The following MTMR12 variants were observed in gnomAD, a reference collection of about 807,000 sequenced individuals.
MTMR12 encodes myotubularin-related protein 12.
A neutral mutation model predicts 96.7 loss-of-function variants in MTMR12; 33 were observed. The observed-to-expected ratio is 0.34, with a 90% CI of 0.26 to 0.46. The LOEUF is 0.46. Among genes scored for constraint, MTMR12 ranks in the 20% least tolerant of loss-of-function variants. The pLI, the probability that MTMR12 is intolerant of heterozygous loss-of-function variation, is 1.00. For synonymous variants in MTMR12, 298 were observed against 327.2 expected (o/e 0.91, Z 0.96); for missense variants, 721 against 896.1 (o/e 0.80, Z 2.49).
intron 6 of MTMR12, among the ~76,000 whole-genome samples, chr5:32,266,522 T>C (rs1749599111): frequency 6.6e-6 from 1 of 151,452 alleles, no homozygotes; most frequent in African/African-American, 2.4e-5. Flanking sequence ...ACCCTGTCTC[T>C]ACCAAAAATA....
intron 6 of MTMR12, among the ~76,000 whole-genome samples, chr5:32,266,914 C>A (rs1176567473): frequency 2.0e-5 from 3 of 151,410 alleles, no homozygotes; most frequent in Non-Finnish European, 4.4e-5. Flanking sequence ...CCCGTCTCTA[C>A]TAAAAATACA....
At chr5:32,281,621 G>A (rs539884298) in intron 1 of MTMR12, among the ~76,000 whole-genome samples, 5 of 152,326 alleles carry the variant, frequency 3.3e-5, no homozygotes, top group African/African-American at 1.2e-4. Flanking sequence ...CCACATCTGG[G>A]CCGGGCGTGG....
At chr5:32,285,468 G>A (rs1014162306) in intron 1 of MTMR12, among the ~76,000 whole-genome samples, 6 of 151,772 alleles carry the variant, frequency 4.0e-5, no homozygotes, top group African/African-American at 1.5e-4. Flanking sequence ...CCCCGCCACT[G>A]TTAATTCCTT....
Position 32,268,696 on chromosome 5 carries a change from T to C in MTMR12, c.583+5A>G. On this transcript the variant is annotated splice_donor_5th_base_variant and intron_variant, in intron 6 of 15. Transcript: ENST00000382142. Reference sequence around the variant, plus strand: ...CCCTCAAATTAGAACCCAGAAGATATTTACCTGTATTGTTTTGTGCAGCAG... The same window carrying C: ...CCCTCAAATTAGAACCCAGAAGATACTTACCTGTATTGTTTTGTGCAGCAG... The C allele has an allele frequency of 6.2e-7, 1 of 1,610,402 alleles. No individual in the cohort carries two copies. Among genetic ancestry groups the C allele is most frequent in the Non-Finnish European group, 8.5e-7 (1 of 1,176,666 alleles).
At position 32,247,875 on chromosome 5, in the gene MTMR12, A is replaced by G. The variant is rs1748762887; in HGVS notation, c.1021+127T>C. 2.1e-6 allele frequency: 3 copies of G among 1,401,764 alleles called. No homozygotes were observed. In the South Asian group the frequency reaches 5.2e-5, roughly 24 times the overall value. 86.8% of individuals were successfully genotyped at this position (1,401,764 alleles called of 1,614,324 possible). A position where few individuals can be genotyped will look rare whatever the true frequency, so the allele number is the denominator to read the frequency against. On this transcript the variant is annotated intron_variant, in intron 10 of 15. Coordinates refer to ENST00000382142, the MANE Select transcript of MTMR12 (RefSeq NM_001040446.3). ...TGGCAGCCAGACCCCTGGCTCCATG[A>G]CATCACAGCCCTGGGCTCTGCGTAC...
intron 1 of MTMR12, among the ~76,000 whole-genome samples, chr5:32,297,228 A>G (rs1750964933): frequency 1.3e-5 from 2 of 152,170 alleles, no homozygotes; most frequent in South Asian, 4.1e-4. Context: ...TCATCACCAC[A>G]ATCAATTTTA....
At chr5:32,284,622 C>A (rs146908095) in intron 1 of MTMR12, among the ~76,000 whole-genome samples, 7 of 152,286 alleles carry the variant, frequency 4.6e-5, no homozygotes, top group African/African-American at 1.7e-4. Flanking sequence ...ACAGAAGGGT[C>A]TAGAGTTGCC....
rs1384558633 is a variant in MTMR12, at chr5:32,228,578, A to ATG, written c.*1199_*1200insCA. 6 of 128,194 alleles carry ATG rather than the reference A, an allele frequency of 4.7e-5. No individual in the cohort carries two copies. The highest frequency in any genetic ancestry group is 2.0e-4 in the African/African-American group (6 of 29,710). The allele number at this position is 128,194 out of a possible 1,614,324, so 7.9% of individuals were successfully genotyped here. A position where few individuals can be genotyped will look rare whatever the true frequency, so the allele number is the denominator to read the frequency against. On this transcript the variant is annotated 3_prime_UTR_variant, in exon 16 of 16. Transcript: ENST00000382142. ...TGTGATATATATATATCATATATAT[A>ATG]TCATATATATGTGATATATATATAT...
intron 8 of MTMR12, among the ~76,000 whole-genome samples, chr5:32,252,522 T>C (rs1561759406): frequency 6.6e-6 from 1 of 152,232 alleles, no homozygotes; most frequent in Non-Finnish European, 1.5e-5. Context: ...AGAAAATGTA[T>C]GTACATGCAA....
chr5:32,238,043 C>G (rs925315335), intron 13 of MTMR12, among the ~76,000 whole-genome samples: 1 of 147,120 alleles, frequency 6.8e-6, no homozygotes, highest in East Asian at 2.1e-4. Flanking sequence ...ACTAGGGAGG[C>G]TGAGGCAGGA....
At chr5:32,265,794 A>G (rs1749566381) in intron 6 of MTMR12, among the ~76,000 whole-genome samples, 1 of 152,214 alleles carries the variant, frequency 6.6e-6, no homozygotes, top group Admixed American at 6.5e-5. Context: ...ACTGCACCTT[A>G]TGTGCCACCC....
At chr5:32,290,822 C>A (rs567466007) in intron 1 of MTMR12, among the ~76,000 whole-genome samples, 40 of 152,308 alleles carry the variant, frequency 2.6e-4, no homozygotes, top group Admixed American at 1.6e-3. Context: ...CAAGGCCCTG[C>A]CATCTTCTGC....
rs1023721426 is a variant in MTMR12 at position 32,260,451 on chromosome 5, T to G, written c.713+2662A>C. 5.3e-5 allele frequency among the ~76,000 whole-genome samples: 8 copies of G among 151,798 alleles called. 1 individual carries two copies. The highest frequency in any genetic ancestry group is 1.2e-4 in the Non-Finnish European group (8 of 67,998). Reference sequence around the variant, plus strand: ...TATATTTCTGACATGCTAACACCTATGCAAATGCCAACTGATTAGTATGTG... The same window carrying G: ...TATATTTCTGACATGCTAACACCTAGGCAAATGCCAACTGATTAGTATGTG... On this transcript the variant is annotated intron_variant, in intron 7 of 15. Transcript: ENST00000382142.
intron 8 of MTMR12, among the ~76,000 whole-genome samples, chr5:32,252,111 G>GA (rs1300986896): frequency 6.6e-6 from 1 of 151,776 alleles, no homozygotes; most frequent in African/African-American, 2.4e-5. Flanking sequence ...TGTCCCAGAG[G>GA]AAAAAAAAGA....
At chr5:32,260,376 G>A (rs947039028) in intron 7 of MTMR12, among the ~76,000 whole-genome samples, 5 of 151,674 alleles carry the variant, frequency 3.3e-5, no homozygotes, top group Admixed American at 6.6e-5. Context: ...GGGAGACCAC[G>A]GAGCAGCGAC....
At chr5:32,308,162 A>G (rs527769069) in intron 1 of MTMR12, among the ~76,000 whole-genome samples, 1 of 152,270 alleles carries the variant, frequency 6.6e-6, no homozygotes, top group African/African-American at 2.4e-5. Flanking sequence ...TCTCTACTAA[A>G]AATACAAACA....
intron 1 of MTMR12, among the ~76,000 whole-genome samples, chr5:32,293,256 A>C (rs1750805852): frequency 6.6e-6 from 1 of 152,222 alleles, no homozygotes; most frequent in Non-Finnish European, 1.5e-5. Context: ...GTGTTGCCAA[A>C]GGAAATTGAC....
intron 1 of MTMR12, among the ~76,000 whole-genome samples, chr5:32,280,235 G>A (rs575339057): frequency 1.3e-5 from 2 of 152,322 alleles, no homozygotes; most frequent in African/African-American, 2.4e-5. Context: ...GGGGTACAAT[G>A]AAGCTCTCAT....
At chr5:32,285,060 T>C (rs1231394853) in intron 1 of MTMR12, among the ~76,000 whole-genome samples, 1 of 152,198 alleles carries the variant, frequency 6.6e-6, no homozygotes, top group South Asian at 2.1e-4. Flanking sequence ...TTAAATTCAA[T>C]TAGAACAGAA....
Sources: allele counts gnomAD v4.1 joint callset (sites outside exome capture counted in the v4.1 genomes callset), GRCh38; gene constraint gnomAD v4.1.1; transcripts MANE v1.5; gene names NCBI Gene and HGNC (gene_info 2026-07-23, HGNC 2026-07-21).